The following PTPN5 variants were observed in gnomAD, a reference collection of about 807,000 sequenced individuals.
PTPN5 encodes the protein tyrosine-protein phosphatase non-receptor type 5.
In PTPN5, 29 loss-of-function variants were observed where a neutral mutation model predicts 73.9. That is an observed-to-expected ratio of 0.39 (90% CI 0.29 to 0.54). The LOEUF (loss-of-function observed/expected upper bound fraction) is 0.54. PTPN5 is among the 20% of genes least tolerant of loss of function. The pLI is 0.65. For missense variants in PTPN5, 652 were observed against 751.4 expected (o/e 0.87, Z 1.55); for synonymous variants, 267 against 304.7 (o/e 0.88, Z 1.29).
Position 18,728,753 on chromosome 11 carries a change from A to C in PTPN5, c.*181T>G. ...TTCCCGACCCTGCCCCCCACTCCCC[A>C]ATATGTACAGTAGGAAGAGCAATGC... is the stretch of plus-strand genomic sequence containing the variant. On this transcript the variant is annotated 3_prime_UTR_variant, in exon 15 of 15. Transcript: ENST00000358540. This position sits in a 1 kb window ranked among gnomAD's most constrained non-coding sequence, Gnocchi z 4.1. 3.6e-6 allele frequency: 2 copies of C among 553,420 alleles called. No individual in the cohort carries two copies. Among genetic ancestry groups the C allele is most frequent in the Non-Finnish European group, 6.1e-6 (2 of 328,490 alleles). 34.3% of individuals were successfully genotyped at this position (553,420 alleles called of 1,614,324 possible).
Position 18,743,405 on chromosome 11 carries a change from T to C in PTPN5, c.316A>G (p.Ser106Gly). The change falls in exon 5 of 15, where the codon AGC (serine) becomes GGC (glycine). Residue 106 changes from serine to glycine, a missense_variant. By Grantham distance (56) the Ser-to-Gly change is moderately conservative (BLOSUM62 0). Around this residue, in one of 3 missense-constraint regions of PTPN5, gnomAD observed 529 missense variants for 573.9 expected, o/e 0.92. Transcript: ENST00000358540. ...TGTGACCAGATGTGGCCATAACCGCTGAACCAGAGCACCCCACAGGCAAGC... is the reference window on the plus strand; with the variant it reads ...TGTGACCAGATGTGGCCATAACCGCCGAACCAGAGCACCCCACAGGCAAGC... ...FLLACGVLWF[S>G]GYGHIWSQNA... 1 of 1,614,106 alleles carries C rather than the reference T, an allele frequency of 6.2e-7. No homozygotes were observed.
In PTPN5 at chr11:18,742,632, T is replaced by G; in HGVS notation, c.484-129A>C. ...TAGAGCAGCTCTGCTCTCCTGGGAG[T>G]TGTCCACAAGGCACTGCCCCTGGCC... is the stretch of plus-strand genomic sequence containing the variant. On this transcript the variant is annotated intron_variant, in intron 6 of 14. Transcript: ENST00000358540. This position sits in a 1 kb window ranked among gnomAD's most constrained non-coding sequence, Gnocchi z 4.1. 7.1e-7 allele frequency: 1 copy of G among 1,398,730 alleles called. No homozygotes were observed. Among genetic ancestry groups the G allele is most frequent in the Non-Finnish European group, 9.6e-7 (1 of 1,045,018 alleles). The allele number at this position is 1,398,730 out of a possible 1,614,324, so 86.6% of individuals were successfully genotyped here. A position where few individuals can be genotyped will look rare whatever the true frequency, so the allele number is the denominator to read the frequency against.
Position 18,733,488 on chromosome 11 carries a change from C to A in PTPN5, c.1080+68G>T. ...GAGCCAGACTGGTGTAGGGACAAGG[C>A]TGGAGGATGGATCCCATCGACTCAG... On this transcript the variant is annotated intron_variant, in intron 10 of 14. Coordinates refer to ENST00000358540, the MANE Select transcript of PTPN5 (RefSeq NM_006906.2). The surrounding 1 kb of genome is among the most constrained non-coding windows in gnomAD (Gnocchi z 4.3). 1.2e-6 allele frequency: 2 copies of A among 1,612,642 alleles called. No individual in the cohort carries two copies. Among genetic ancestry groups the A allele is most frequent in the Non-Finnish European group, 1.7e-6 (2 of 1,178,962 alleles).
rs146752195 is a variant in PTPN5, at chr11:18,764,903, G to A, written c.97+904C>T. Among the ~76,000 whole-genome samples, 1,194 of 152,074 alleles carry A rather than the reference G, an allele frequency of 7.9e-3. 20 individuals carry two copies. The highest frequency in any genetic ancestry group is 0.051 in the East Asian group (264 of 5,160). ...AATTTTTTGTATTTTTAGTAGAGAC[G>A]GAGTTTCACCATGTTAGCCAGGATG... On this transcript the variant is annotated intron_variant, in intron 3 of 14. Coordinates refer to ENST00000358540, the MANE Select transcript of PTPN5 (RefSeq NM_006906.2).
intron 3 of PTPN5, among the ~76,000 whole-genome samples, chr11:18,756,336 A>C: frequency 7.7e-6 from 1 of 129,264 alleles, no homozygotes. Flanking sequence ...TCACTCCGTC[A>C]CCCAAGCTGG....
At chr11:18,765,785 G>C (rs1850616813) in intron 3 of PTPN5, 22 bp downstream of exon 3, 2 of 1,516,748 alleles carry the variant, frequency 1.3e-6, no homozygotes, top group Non-Finnish European at 1.8e-6. Context: ...TCTGGGAGGA[G>C]CTGGGTGCTG....
At chr11:18,779,429 C>A (rs888226521) in intron 1 of PTPN5, among the ~76,000 whole-genome samples, 1 of 152,206 alleles carries the variant, frequency 6.6e-6, no homozygotes, top group East Asian at 1.9e-4. Flanking sequence ...TTGAAAGGAG[C>A]CTGACCTCTT....
At chr11:18,783,387 A>G (rs4757718) in intron 1 of PTPN5, among the ~76,000 whole-genome samples, 61,704 of 152,096 alleles carry the variant, frequency 0.41, 13,206 homozygotes, top group East Asian at 0.73. Context: ...GGGCTAAAGA[A>G]GAACACAGCT....
chr11:18,742,480 G>A lies in PTPN5; in HGVS notation c.507C>T (p.Pro169=), dbSNP rs762865931. Residue 169 remains proline (P), a synonymous_variant, in exon 7 of 15, where the codon CCC becomes CCT. Coordinates refer to ENST00000358540, the MANE Select transcript of PTPN5 (RefSeq NM_006906.2). This position sits in a 1 kb window ranked among gnomAD's most constrained non-coding sequence, Gnocchi z 4.1. ...GGGGCAGTGGGGTGGGTGGCTCTGGGGGTGTCCTCAGGAGGTGCCACACCT... is the reference window on the plus strand; with the variant it reads ...GGGGCAGTGGGGTGGGTGGCTCTGGAGGTGTCCTCAGGAGGTGCCACACCT... ...TTLVWHLLRT[P]PEPPTPLPPE... is the part of the protein sequence containing the mutation. 2 of 1,613,724 alleles carry A rather than the reference G, an allele frequency of 1.2e-6. No homozygotes were observed. Among genetic ancestry groups the A allele is most frequent in the Non-Finnish European group, 1.7e-6 (2 of 1,179,990 alleles).
chr11:18,767,803 A>C (rs543181289), intron 2 of PTPN5, among the ~76,000 whole-genome samples: 1 of 152,224 alleles, frequency 6.6e-6, no homozygotes, highest in African/African-American at 2.4e-5. Context: ...CCTTTGGCAT[A>C]GTTCATAGAT....
At position 18,733,121 on chromosome 11, in the gene PTPN5, G is replaced by T. The variant is rs1848959027; in HGVS notation, c.1218+114C>A. ...AGCCTCACATCTCCTCATCTTGGCAGCGGAGTGAACACCGCCGACCTCTTG... is the reference window on the plus strand; with the variant it reads ...AGCCTCACATCTCCTCATCTTGGCATCGGAGTGAACACCGCCGACCTCTTG... On this transcript the variant is annotated intron_variant, in intron 11 of 14. Coordinates refer to ENST00000358540, the MANE Select transcript of PTPN5 (RefSeq NM_006906.2). The surrounding 1 kb of genome is among the most constrained non-coding windows in gnomAD (Gnocchi z 4.3). 2.1e-6 allele frequency: 3 copies of T among 1,447,026 alleles called. No individual in the cohort carries two copies. In the South Asian group the frequency reaches 3.9e-5, roughly 19 times the overall value. 89.6% of individuals were successfully genotyped at this position (1,447,026 alleles called of 1,614,324 possible). A position where few individuals can be genotyped will look rare whatever the true frequency, so the allele number is the denominator to read the frequency against.
intron 3 of PTPN5, among the ~76,000 whole-genome samples, chr11:18,751,903 A>C (rs1054694227): frequency 6.6e-6 from 1 of 152,212 alleles, no homozygotes; most frequent in South Asian, 2.1e-4. Context: ...AAGGTGGCAG[A>C]AGTGATGTTA....
chr11:18,788,680 G>A (rs910538577), intron 1 of PTPN5, among the ~76,000 whole-genome samples: 2 of 152,194 alleles, frequency 1.3e-5, no homozygotes, highest in African/African-American at 4.8e-5. Context: ...GGGGTTATCC[G>A]CCTCTCTTTT....
intron 3 of PTPN5, among the ~76,000 whole-genome samples, chr11:18,747,440 C>T (rs925281389): frequency 1.6e-4 from 24 of 152,030 alleles, no homozygotes; most frequent in African/African-American, 4.1e-4. Flanking sequence ...CGTGAGCCAC[C>T]GCGCCTGGCC....
chr11:18,763,317 G>A (rs1850484360), intron 3 of PTPN5, among the ~76,000 whole-genome samples: 1 of 152,188 alleles, frequency 6.6e-6, no homozygotes, highest in South Asian at 2.1e-4. Context: ...TGGCTCCATG[G>A]GGACAACAGA....
At chr11:18,770,992 T>A (rs575430795) in intron 2 of PTPN5, among the ~76,000 whole-genome samples, 20 of 152,132 alleles carry the variant, frequency 1.3e-4, no homozygotes, top group African/African-American at 4.8e-4. Flanking sequence ...TAACATGAAG[T>A]CCCAGCTTTG....
At chr11:18,784,903 G>A (rs888337967) in intron 1 of PTPN5, among the ~76,000 whole-genome samples, 19 of 151,862 alleles carry the variant, frequency 1.3e-4, no homozygotes, top group Non-Finnish European at 1.8e-4. Context: ...ACCCAGGCTG[G>A]AGTGCAGCGG....
intron 3 of PTPN5, chr11:18,749,569 C>A: frequency 1.9e-6 from 1 of 513,012 alleles, no homozygotes; most frequent in Non-Finnish European, 3.9e-6. Flanking sequence ...CTGATGAAGC[C>A]TCAAAGTATA....
intron 7 of PTPN5, among the ~76,000 whole-genome samples, chr11:18,741,961 A>T (rs902212319): frequency 6.6e-6 from 1 of 152,246 alleles, no homozygotes; most frequent in Non-Finnish European, 1.5e-5. Context: ...GAACATAAGC[A>T]TGTTAAAGGC....
Sources: gnomAD v4.1 joint callset for allele counts (sites outside exome capture counted in the v4.1 genomes callset) on GRCh38, gnomAD v4.1.1 for gene constraint, gnomAD v4.1.1 regional missense constraint, Gnocchi (gnomAD v3.1) non-coding constraint, MANE v1.5 for transcripts, NCBI Gene and HGNC (gene_info 2026-07-23, HGNC 2026-07-21) for gene names.